The following STK3 variants were observed in gnomAD, a reference collection of about 807,000 sequenced individuals.
STK3 encodes serine/threonine-protein kinase 3.
In STK3, 41 loss-of-function variants were observed where a neutral mutation model predicts 58.0. The ratio of observed to expected loss-of-function variants is 0.71; its 90% CI spans 0.55 to 0.92. The LOEUF (loss-of-function observed/expected upper bound fraction) is 0.92. Among genes scored for constraint, STK3 ranks in the 40% least tolerant of loss-of-function variants. The pLI is 0.00. For synonymous variants in STK3, 170 were observed against 191.0 expected (o/e 0.89, Z 0.91); for missense variants, 479 against 602.7 (o/e 0.79, Z 2.15).
intron 9 of STK3, among the ~76,000 whole-genome samples, chr8:98,528,904 T>A (rs1443447518): frequency 6.6e-6 from 1 of 152,208 alleles, no homozygotes. Flanking sequence ...GCTCCTGTCT[T>A]GGCTGTCTAT....
At chr8:98,398,273 C>T (rs562816835), downstream of STK3, among the ~76,000 whole-genome samples, 4 of 152,210 alleles carry the variant, frequency 2.6e-5, no homozygotes, top group South Asian at 6.2e-4. Context: ...CCTCCCATTC[C>T]TACCCAAAGC....
chr8:98,597,523 C>G (rs1815933165), intron 6 of STK3: 1 of 985,228 alleles, frequency 1.0e-6, no homozygotes, highest in African/African-American at 1.7e-5. Flanking sequence ...TCTGTGTGTT[C>G]AGAACAATGC....
intron 3 of STK3, among the ~76,000 whole-genome samples, chr8:98,419,120 G>C (rs1271175136): frequency 6.6e-6 from 1 of 152,174 alleles, no homozygotes; most frequent in Non-Finnish European, 1.5e-5. Flanking sequence ...CAGCACTTTG[G>C]GGGGCCGAAG....
intron 6 of STK3, among the ~76,000 whole-genome samples, chr8:98,667,638 A>G (rs1322078521): frequency 6.6e-6 from 1 of 152,146 alleles, no homozygotes. Context: ...AAATAAGAAA[A>G]GAGAGCAAGT....
chr8:98,792,128 CA>C lies in STK3; in HGVS notation c.27-17310del, dbSNP rs1350130381. On this transcript the variant is annotated intron_variant, in intron 1 of 10. Coordinates refer to ENST00000419617, the MANE Select transcript of STK3 (RefSeq NM_006281.4). ...CAAATTAAGAAAAAACAAACAATCC[CA>C]TCAAAAAGTGGGCTAAGGACATGAA... Among the ~76,000 whole-genome samples the C allele has an allele frequency of 2.0e-5, 3 of 152,104 alleles. No homozygotes were observed. In the East Asian group the frequency reaches 5.8e-4, roughly 29 times the overall value.
chr8:98,494,679 AAG>A (rs1554602971), intron 10 of STK3, among the ~76,000 whole-genome samples: 1 of 150,468 alleles, frequency 6.6e-6, no homozygotes, highest in Non-Finnish European at 1.5e-5. Context: ...AAAAAAAAAA[AAG>A]AGAGAGAGAG....
At chr8:98,572,354 A>C (rs1035021059) in intron 8 of STK3, among the ~76,000 whole-genome samples, 1 of 152,186 alleles carries the variant, frequency 6.6e-6, no homozygotes, top group Non-Finnish European at 1.5e-5. Context: ...TTAGTCAAAA[A>C]TGAATGTAAA....
intron 1 of STK3, chr8:98,437,640 C>T (rs1035989446): frequency 2.6e-5 from 4 of 152,214 alleles, no homozygotes; most frequent in Admixed American, 2.0e-4. Flanking sequence ...AGACACCCAT[C>T]GAACTGTTTC....
At chr8:98,399,920 A>T (rs1563592638), downstream of STK3, among the ~76,000 whole-genome samples, 1 of 152,198 alleles carries the variant, frequency 6.6e-6, no homozygotes, top group Non-Finnish European at 1.5e-5. Context: ...AGAGTTCAGA[A>T]GTGTTTGCAA....
chr8:98,765,512 T>G (rs1184751786), intron 3 of STK3, among the ~76,000 whole-genome samples: 2 of 152,176 alleles, frequency 1.3e-5, no homozygotes, highest in Non-Finnish European at 2.9e-5. Context: ...GGGGAGACAA[T>G]GTGCCCAGAC....
chr8:98,586,331 C>T (rs568873312), intron 7 of STK3, among the ~76,000 whole-genome samples: 6 of 152,146 alleles, frequency 3.9e-5, no homozygotes, highest in Non-Finnish European at 5.9e-5. Flanking sequence ...TGTCAAAGGC[C>T]TTTTCTGCAT....
chr8:98,388,358 A>G (rs1280145507), upstream of STK3: 1 of 152,234 alleles, frequency 6.6e-6, no homozygotes, highest in East Asian at 1.9e-4. Flanking sequence ...TTAGGTGAAT[A>G]ACTGATGGGA....
Position 98,741,959 on chromosome 8 carries a change from G to C in STK3, c.351+7317C>G, listed in dbSNP as rs1459285596. On this transcript the variant is annotated intron_variant, in intron 4 of 10. Coordinates refer to ENST00000419617, the MANE Select transcript of STK3 (RefSeq NM_006281.4). ...CAGAGAATACTACAAACACCTCTAC[G>C]CAAATAAACTAGAAAATCTAGAAGA... Among the ~76,000 whole-genome samples the C allele has an allele frequency of 1.3e-4, 20 of 152,174 alleles. No homozygotes were observed. In the East Asian group the frequency reaches 3.9e-3, roughly 29 times the overall value.
intron 1 of STK3, among the ~76,000 whole-genome samples, chr8:98,920,288 T>C (rs1839506411): frequency 6.6e-6 from 1 of 152,202 alleles, no homozygotes; most frequent in African/African-American, 2.4e-5. Flanking sequence ...GGTTAGTGAA[T>C]AGTCTTCATG....
intron 3 of STK3, among the ~76,000 whole-genome samples, chr8:98,858,290 GTA>G (rs71572027): frequency 0.043 from 1,482 of 34,244 alleles, 33 homozygotes; most frequent in Non-Finnish European, 0.049. Flanking sequence ...ACATACATAC[GTA>G]TATATATATA....
chr8:98,449,374 T>C (rs1819094941), intron 1 of STK3, among the ~76,000 whole-genome samples: 1 of 152,158 alleles, frequency 6.6e-6, no homozygotes, highest in African/African-American at 2.4e-5. Flanking sequence ...TCAGTTGTTA[T>C]AAATATAGGA....
At chr8:98,560,072 A>T (rs1811891271) in intron 8 of STK3, among the ~76,000 whole-genome samples, 1 of 152,134 alleles carries the variant, frequency 6.6e-6, no homozygotes, top group Non-Finnish European at 1.5e-5. Flanking sequence ...CTCACTCATT[A>T]GATTGCAATC....
intron 4 of STK3, among the ~76,000 whole-genome samples, chr8:98,746,488 C>T (rs1829650091): frequency 6.6e-6 from 1 of 152,108 alleles, no homozygotes; most frequent in Non-Finnish European, 1.5e-5. Flanking sequence ...TACCACACGA[C>T]TGTGGTTCCA....
At chr8:98,755,907 C>T (rs980495870) in intron 3 of STK3, among the ~76,000 whole-genome samples, 7 of 151,990 alleles carry the variant, frequency 4.6e-5, no homozygotes, top group African/African-American at 1.7e-4. Context: ...TTTGGGAGGC[C>T]GAGGCAGGCG....
Sources: allele counts gnomAD v4.1 joint callset (sites outside exome capture counted in the v4.1 genomes callset), GRCh38; gene constraint gnomAD v4.1.1; transcripts MANE v1.5; gene names NCBI Gene and HGNC (gene_info 2026-07-23, HGNC 2026-07-21).